PSEN1: variants seen among roughly 807,000 people sequenced by gnomAD.
PSEN1 encodes presenilin 1.
PSEN1 carries 15 observed loss-of-function variants against 53.5 expected under a neutral mutation model. The ratio of observed to expected loss-of-function variants is 0.28; its 90% confidence interval spans 0.19 to 0.43. PSEN1 has a LOEUF of 0.43. PSEN1 is among the 20% of genes least tolerant of loss of function. PSEN1 has a pLI of 1.00. For synonymous variants in PSEN1, 208 were observed against 209.8 expected, an observed-to-expected ratio of 0.99 and a Z score of 0.08; for missense variants, 387 against 571.2, an observed-to-expected ratio of 0.68 and a Z score of 3.29.
chr14:73,216,375 A>G (rs925111634), intron 10 of PSEN1, among the ~76,000 whole-genome samples: 1 of 152,166 alleles, frequency 6.6e-6, no homozygotes, highest in Non-Finnish European at 1.5e-5. Context: ...CTCTCTATAT[A>G]TAGTTGTACA....
At chr14:73,178,931 TG>T (rs1357072671) in intron 5 of PSEN1, among the ~76,000 whole-genome samples, 1 of 152,098 alleles carries the variant, frequency 6.6e-6, no homozygotes, top group African/African-American at 2.4e-5. Context: ...ACTGGTATAG[TG>T]GTGTTCTATT....
At chr14:73,190,485 TAAAAAAA>T (rs78682030) in intron 6 of PSEN1, among the ~76,000 whole-genome samples, 13 of 133,064 alleles carry the variant, frequency 9.8e-5, no homozygotes, top group Admixed American at 5.4e-4. Context: ...TGTCTCTATT[TAAAAAAA>T]AAAAAAAAAA....
chr14:73,209,033 C>T, intron 9 of PSEN1: 1 of 349,294 alleles, frequency 2.9e-6, no homozygotes, highest in Non-Finnish European at 5.7e-6. Flanking sequence ...CGCCCGCACA[C>T]CCGGCCAGGT....
intron 3 of PSEN1, among the ~76,000 whole-genome samples, chr14:73,155,881 C>G (rs1032982258): frequency 6.6e-6 from 1 of 151,964 alleles, no homozygotes; most frequent in Non-Finnish European, 1.5e-5. Flanking sequence ...CTGTATAACA[C>G]CAAAAAGTGA....
intron 1 of PSEN1, among the ~76,000 whole-genome samples, chr14:73,138,586 C>T (rs1896816877): frequency 6.6e-6 from 1 of 151,792 alleles, no homozygotes; most frequent in Non-Finnish European, 1.5e-5. Flanking sequence ...CTCCTGGAGT[C>T]AAGTGATCCT....
In PSEN1 at chr14:73,221,319, C is replaced by A. The variant is rs962258492; in HGVS notation, c.*2030C>A. 6.6e-6 allele frequency: 1 copy of A among 152,204 alleles called. No homozygotes were observed. Among genetic ancestry groups the A allele is most frequent in the African/African-American group, 2.4e-5 (1 of 41,452 alleles). The allele number at this position is 152,204 out of a possible 1,614,324, so 9.4% of individuals were successfully genotyped here. On this transcript the variant is annotated 3_prime_UTR_variant, in exon 12 of 12. Coordinates refer to ENST00000324501, the MANE Select transcript of PSEN1 (RefSeq NM_000021.4). Reference sequence around the variant, plus strand: ...TATCATTGAGAAAGCACAGCTACAGCAAAGCCACCTGAATAGCAATTTGTG... The same window carrying A: ...TATCATTGAGAAAGCACAGCTACAGAAAAGCCACCTGAATAGCAATTTGTG...
intron 6 of PSEN1, among the ~76,000 whole-genome samples, chr14:73,190,800 G>T (rs1016309708): frequency 2.0e-5 from 3 of 152,178 alleles, no homozygotes; most frequent in African/African-American, 7.2e-5. Context: ...AGTATCTGTT[G>T]TGAATTTTAT....
intron 5 of PSEN1, 75 bp from the exon 6 acceptor site, chr14:73,186,778 A>G (rs1481722596): frequency 1.5e-6 from 2 of 1,332,248 alleles, no homozygotes; most frequent in Non-Finnish European, 2.2e-6. Flanking sequence ...CCCTGTCTCA[A>G]AAAAGAAAAA....
intron 5 of PSEN1, among the ~76,000 whole-genome samples, chr14:73,174,744 G>C (rs900888195): frequency 1.3e-5 from 2 of 152,148 alleles, no homozygotes; most frequent in East Asian, 3.8e-4. Flanking sequence ...GTCACACCTT[G>C]CCTAAACTGG....
In PSEN1 at chr14:73,173,698, G is replaced by A. The variant is rs201617677; in HGVS notation, c.471G>A (p.Arg157=). 2 of 1,614,022 alleles carry A rather than the reference G, an allele frequency of 1.2e-6. No individual in the cohort carries two copies. Among genetic ancestry groups the A allele is most frequent in the African/African-American group, 2.7e-5 (2 of 74,940 alleles). The change falls in exon 5 of 12, where the codon AGG becomes AGA. Residue 157 remains arginine (R), a synonymous_variant. Coordinates refer to ENST00000324501, the MANE Select transcript of PSEN1 (RefSeq NM_000021.4). ...TILLVVLYKY[R]CYKVIHAWLI... ...TCCTGGTGGTTCTGTATAAATACAG[G>A]TGCTATAAGGTGAGCATGAGACACA... is the stretch of plus-strand genomic sequence containing the variant.
intron 3 of PSEN1, among the ~76,000 whole-genome samples, chr14:73,161,996 A>AG (rs1312358889): frequency 7.4e-5 from 11 of 149,188 alleles, no homozygotes; most frequent in African/African-American, 2.7e-4. Flanking sequence ...TTCCACTAAA[A>AG]AAAAAAAAAA....
At chr14:73,188,997 G>A (rs1898617432) in intron 6 of PSEN1, among the ~76,000 whole-genome samples, 1 of 151,916 alleles carries the variant, frequency 6.6e-6, no homozygotes, top group Admixed American at 6.6e-5. Context: ...CACCATGTTG[G>A]CCAGGCTGTT....
intron 6 of PSEN1, among the ~76,000 whole-genome samples, chr14:73,192,004 C>CT (rs755426929): frequency 6.6e-6 from 1 of 152,056 alleles, no homozygotes; most frequent in Non-Finnish European, 1.5e-5. Flanking sequence ...ATGATATGAT[C>CT]TTTTTTCCTC....
At chr14:73,155,354 G>A (rs1312396859) in intron 3 of PSEN1, among the ~76,000 whole-genome samples, 1 of 152,038 alleles carries the variant, frequency 6.6e-6, no homozygotes, top group Admixed American at 6.6e-5. Context: ...TTAACTTAGA[G>A]TTTTATTTAA....
At chr14:73,148,493 T>C (rs937350588) in intron 3 of PSEN1, among the ~76,000 whole-genome samples, 2 of 152,196 alleles carry the variant, frequency 1.3e-5, no homozygotes, top group African/African-American at 4.8e-5. Context: ...GATTGTACAA[T>C]GCAAGGATAA....
chr14:73,148,278 T>A (rs1400814307), intron 3 of PSEN1, among the ~76,000 whole-genome samples, 172 bp downstream of exon 3: 1 of 152,246 alleles, frequency 6.6e-6, no homozygotes, highest in Non-Finnish European at 1.5e-5. Context: ...GTTTAACACA[T>A]AGGTGTTGAT....
chr14:73,138,452 C>T (rs542965719), intron 1 of PSEN1, among the ~76,000 whole-genome samples: 1 of 150,920 alleles, frequency 6.6e-6, no homozygotes, highest in Admixed American at 6.6e-5. Context: ...ATCTCCTGAC[C>T]TCGTGATCCG....
intron 5 of PSEN1, among the ~76,000 whole-genome samples, chr14:73,184,225 G>A (rs1595018806): frequency 2.0e-5 from 2 of 101,800 alleles, no homozygotes; most frequent in Admixed American, 1.8e-4. Context: ...CCTCCCTCCC[G>A]GACGGGGCGG....
At chr14:73,193,566 C>CA (rs796777090) in intron 7 of PSEN1, among the ~76,000 whole-genome samples, 89 of 116,590 alleles carry the variant, frequency 7.6e-4, no homozygotes, top group East Asian at 2.5e-3. Context: ...AAAAAAAAAG[C>CA]AAAAAAAAAA....
Sources: allele counts gnomAD v4.1 joint callset (sites outside exome capture counted in the v4.1 genomes callset), GRCh38; gene constraint gnomAD v4.1.1; transcripts MANE v1.5; gene names NCBI Gene and HGNC (gene_info 2026-07-23, HGNC 2026-07-21).